CEP120: variants seen among roughly 807,000 people sequenced by gnomAD.
The protein encoded by CEP120 is centrosomal protein of 120 kDa.
In CEP120, 113 loss-of-function variants were observed where a neutral mutation model predicts 126.5. The ratio of observed to expected loss-of-function variants is 0.89; its 90% CI spans 0.77 to 1.04. The LOEUF (loss-of-function observed/expected upper bound fraction) is 1.04. Among genes scored for constraint, CEP120 ranks in the 50% least tolerant of loss-of-function variants. CEP120 has a pLI of 0.00. For synonymous variants in CEP120, 400 were observed against 394.3 expected (o/e 1.01, Z -0.17); for missense variants, 1,230 against 1,155.7 (o/e 1.06, Z -0.93).
At chr5:123,382,655 A>C in intron 13 of CEP120, 82 bp downstream of exon 13, 22 of 1,285,680 alleles carry the variant, frequency 1.7e-5, no homozygotes, top group Non-Finnish European at 2.1e-5. Flanking sequence ...TACAGAACAT[A>C]GAGATTAAAC....
intron 1 of CEP120, among the ~76,000 whole-genome samples, chr5:123,419,378 T>C (rs1055604411): frequency 2.6e-5 from 4 of 152,014 alleles, no homozygotes; most frequent in Admixed American, 6.6e-5. Context: ...AAACCCCGTC[T>C]CTACTAAAAA....
Position 123,382,894 on chromosome 5 carries a change from G to A in CEP120, c.1861-5C>T, listed in dbSNP as rs536741205. On this transcript the variant is annotated splice_region_variant and splice_polypyrimidine_tract_variant and intron_variant, in intron 12 of 19. Transcript: ENST00000306467. ...TTGCTGTACGGCAGATACACCCTAA[G>A]AGATGAACCAAAAAGTACATTTAAA... 3.1e-6 allele frequency: 5 copies of A among 1,612,058 alleles called. No individual in the cohort carries two copies. Among genetic ancestry groups the A allele is most frequent in the African/African-American group, 1.3e-5 (1 of 74,892 alleles).
chr5:123,346,893 T>A lies in CEP120; in HGVS notation c.2727-140A>T, dbSNP rs939924188. ...GAAAACAAACCAAAAAAAACCAGTG[T>A]TCCACTTGGCTAGTCAGAGTCTGCA... On this transcript the variant is annotated intron_variant, in intron 19 of 19. Transcript: ENST00000306467. The A allele has an allele frequency of 2.8e-5, 17 of 609,744 alleles. No individual in the cohort carries two copies. In the African/African-American group the frequency reaches 3.2e-4, roughly 11 times the overall value. 37.8% of individuals were successfully genotyped at this position (609,744 alleles called of 1,614,324 possible).
At chr5:123,356,451 T>C (rs1769630818) in intron 18 of CEP120, among the ~76,000 whole-genome samples, 1 of 152,092 alleles carries the variant, frequency 6.6e-6, no homozygotes, top group South Asian at 2.1e-4. Flanking sequence ...ACAAAGCATA[T>C]TGTTAGCTTT....
intron 18 of CEP120, among the ~76,000 whole-genome samples, chr5:123,357,188 C>A (rs1415137684): frequency 6.6e-6 from 1 of 152,114 alleles, no homozygotes; most frequent in Non-Finnish European, 1.5e-5. Flanking sequence ...TATCTGTCCA[C>A]CCCTGCCTGC....
chr5:123,381,314 C>T (rs753756993), intron 14 of CEP120, among the ~76,000 whole-genome samples: 4 of 151,956 alleles, frequency 2.6e-5, no homozygotes, highest in Admixed American at 6.6e-5. Flanking sequence ...GCTGAGAAAA[C>T]GGAATGGAGA....
chr5:123,402,026 T>C (rs1282406622), intron 4 of CEP120: 1 of 1,605,274 alleles, frequency 6.2e-7, no homozygotes, highest in Non-Finnish European at 8.5e-7. Flanking sequence ...GTACCTTGTC[T>C]ATGAAGGAGG....
Position 123,378,442 on chromosome 5 carries a change from A to AAT in CEP120, c.2104-15_2104-14insAT. The AAT allele has an allele frequency of 2.1e-6, 1 of 486,258 alleles. No individual in the cohort carries two copies. 30.1% of individuals were successfully genotyped at this position (486,258 alleles called of 1,614,324 possible). On this transcript the variant is annotated splice_polypyrimidine_tract_variant and intron_variant, in intron 14 of 19. Coordinates refer to ENST00000306467, the MANE Select transcript of CEP120 (RefSeq NM_001375405.1). ...ATATTCAGCCACCTAAAATATAGTAAAAAAAAAAAAAAAAAAGTTACCTAC... is the reference window on the plus strand; with the variant it reads ...ATATTCAGCCACCTAAAATATAGTAAATAAAAAAAAAAAAAAAAGTTACCTAC...
At chr5:123,409,331 G>C (rs1422145675) in intron 4 of CEP120, among the ~76,000 whole-genome samples, 1 of 152,088 alleles carries the variant, frequency 6.6e-6, no homozygotes, top group Non-Finnish European at 1.5e-5. Flanking sequence ...ATACTTAATG[G>C]TGAAAAACCT....
chr5:123,398,153 TGTAA>T (rs1413256724), intron 5 of CEP120, among the ~76,000 whole-genome samples: 4 of 152,080 alleles, frequency 2.6e-5, no homozygotes, highest in African/African-American at 9.7e-5. Context: ...TATCTATTTT[TGTAA>T]GTATTAATTC....
Position 123,348,883 on chromosome 5 carries a change from A to G in CEP120, c.2726+1061T>C, listed in dbSNP as rs115982830. The stretch of plus-strand genomic sequence containing the variant: ...GTGAGAAGGTGGGTCTCTAAAACCA[A>G]CCACACTGGCACCGTGATCTTTGAC... On this transcript the variant is annotated intron_variant, in intron 19 of 19. Transcript: ENST00000306467. 3.4e-3 allele frequency among the ~76,000 whole-genome samples: 520 copies of G among 152,250 alleles called. 5 individuals are homozygous for G. The highest frequency in any genetic ancestry group is 0.012 in the African/African-American group (510 of 41,542).
Position 123,390,048 on chromosome 5 carries a change from C to T in CEP120, c.1131G>A (p.Gly377=). 1 of 1,614,054 alleles carries T rather than the reference C, an allele frequency of 6.2e-7. No homozygotes were observed. Among genetic ancestry groups the T allele is most frequent in the East Asian group, 2.2e-5 (1 of 44,870 alleles). ...LTPIKEKTLT[G]PKSPTVSPVP... The stretch of plus-strand genomic sequence containing the variant: ...CAGGGGACACTGTTGGTGATTTTGG[C>T]CCAGTAAGTGTCTTCTCCTTTATGG... The change falls in exon 8 of 20, where the codon GGG becomes GGA. Residue 377 remains glycine, a synonymous_variant. Transcript: ENST00000306467.
chr5:123,406,327 C>T (rs1381418869), intron 4 of CEP120, among the ~76,000 whole-genome samples: 1 of 151,350 alleles, frequency 6.6e-6, no homozygotes, highest in African/African-American at 2.4e-5. Context: ...AGAATTTCCC[C>T]CAATTAATGT....
At chr5:123,380,046 A>T (rs1160429028) in intron 14 of CEP120, among the ~76,000 whole-genome samples, 1 of 151,876 alleles carries the variant, frequency 6.6e-6, no homozygotes, top group Admixed American at 6.6e-5. Context: ...GTATATATCT[A>T]CTCCTTCAGG....
At chr5:123,378,064 G>C (rs1580675685) in intron 15 of CEP120, among the ~76,000 whole-genome samples, 1 of 152,142 alleles carries the variant, frequency 6.6e-6, no homozygotes, top group Non-Finnish European at 1.5e-5. Flanking sequence ...TAAACAGTAT[G>C]AATTTCATAT....
At position 123,393,384 on chromosome 5, in the gene CEP120, G is replaced by C. The variant is rs1425092229; in HGVS notation, c.726C>G (p.Asn242Lys). The C allele has an allele frequency of 6.2e-7, 1 of 1,614,116 alleles. No homozygotes were observed. Among genetic ancestry groups the C allele is most frequent in the Non-Finnish European group, 8.5e-7 (1 of 1,179,994 alleles). The change falls in exon 6 of 20, where the codon AAC becomes AAG. Residue 242 changes from asparagine to lysine, a missense_variant. Physicochemically the swap from Asn to Lys is moderately conservative, Grantham distance 94. Transcript: ENST00000306467. Reference protein sequence around the residue: ...NEPFNDLINPNFEPERASVRI... With the variant: ...NEPFNDLINPKFEPERASVRI... The stretch of plus-strand genomic sequence containing the variant: ...GAACTGATGCTCTCTCTGGCTCAAA[G>C]TTTGGGTTGATTAAATCATTGAAGG...
rs960968313 is a variant in CEP120, at chr5:123,345,292, A to C, written c.*1227T>G. 71 of 152,256 alleles carry C rather than the reference A, an allele frequency of 4.7e-4. No homozygotes were observed. Among genetic ancestry groups the C allele is most frequent in the African/African-American group, 1.7e-3 (70 of 41,560 alleles). The allele number at this position is 152,256 out of a possible 1,614,324, so 9.4% of individuals were successfully genotyped here. A position where few individuals can be genotyped will look rare whatever the true frequency, so the allele number is the denominator to read the frequency against. On this transcript the variant is annotated 3_prime_UTR_variant, in exon 20 of 20. Transcript: ENST00000306467. ...TTAATAAGGAAAAAATATATAATAA[A>C]TATAGGGACTTTAATTTCCCTAATA... is the stretch of plus-strand genomic sequence containing the variant.
At chr5:123,361,998 G>A (rs1469533934) in intron 18 of CEP120, among the ~76,000 whole-genome samples, 3 of 151,642 alleles carry the variant, frequency 2.0e-5, no homozygotes, top group Admixed American at 6.6e-5. Flanking sequence ...TACTATTTAT[G>A]CTGCTTCTGA....
At chr5:123,368,687 C>T (rs1301313607) in intron 17 of CEP120, among the ~76,000 whole-genome samples, 3 of 151,902 alleles carry the variant, frequency 2.0e-5, no homozygotes, top group Non-Finnish European at 2.9e-5. Flanking sequence ...ATCTTGAAGA[C>T]TGACTTCCAA....
Sources: allele counts gnomAD v4.1 joint callset (sites outside exome capture counted in the v4.1 genomes callset), GRCh38; gene constraint gnomAD v4.1.1; transcripts MANE v1.5; gene names NCBI Gene and HGNC (gene_info 2026-07-23, HGNC 2026-07-21).